NAV2: variants seen among roughly 807,000 people sequenced by gnomAD.
NAV2 encodes helicase, APC down-regulated 1.
Under a neutral mutation model 223.2 loss-of-function variants are expected in NAV2, and 54 were observed. That is an observed-to-expected ratio of 0.24 (90% CI 0.19 to 0.30). NAV2 has a LOEUF of 0.30. NAV2 is among the 10% of genes least tolerant of loss of function. NAV2 has a pLI of 1.00. For synonymous variants in NAV2, 1,279 were observed against 1,239.3 expected, an observed-to-expected ratio of 1.03 and a Z score of -0.67; for missense variants, 2,806 against 3,147.5, an observed-to-expected ratio of 0.89 and a Z score of 2.60.
At chr11:20,062,162 G>A (rs191015763) in intron 19 of NAV2, 145 bp from the exon 20 acceptor site, 201 of 529,888 alleles carry the variant, frequency 3.8e-4, no homozygotes, top group Non-Finnish European at 5.3e-4. Flanking sequence ...CTGACCTATC[G>A]CCAAACCAGG....
upstream of NAV2, chr11:19,712,406 G>C (rs1438421564): frequency 4.6e-5 from 7 of 152,258 alleles, no homozygotes; most frequent in Admixed American, 4.6e-4. Flanking sequence ...TCTTAAAGCG[G>C]GAGACGAGCT....
At chr11:19,928,476 C>G in intron 6 of NAV2, among the ~76,000 whole-genome samples, 1 of 152,084 alleles carries the variant, frequency 6.6e-6, no homozygotes, top group East Asian at 1.9e-4. Context: ...CCTTAGGTTC[C>G]TTTGCTTTAA....
intron 1 of NAV2, among the ~76,000 whole-genome samples, chr11:19,660,171 G>A (rs1375513250): frequency 6.6e-6 from 1 of 152,170 alleles, no homozygotes; most frequent in Non-Finnish European, 1.5e-5. Flanking sequence ...CACAGGTTCA[G>A]TGCTGCAGAA....
intron 1 of NAV2, among the ~76,000 whole-genome samples, chr11:19,513,001 G>A (rs556400153): frequency 3.3e-5 from 5 of 152,280 alleles, no homozygotes; most frequent in East Asian, 1.9e-4. Context: ...AGGACGATAC[G>A]TAACTCTACC....
chr11:20,082,713 C>T lies in NAV2; in HGVS notation c.5326-294C>T, dbSNP rs73429384. Reference sequence around the variant, plus strand: ...GCATCCTGCTTTGTTGCTGTGTAACCTCATCTTCCCAACATCCATCTGCTG... The same window carrying T: ...GCATCCTGCTTTGTTGCTGTGTAACTTCATCTTCCCAACATCCATCTGCTG... On this transcript the variant is annotated intron_variant, in intron 25 of 37. Transcript: ENST00000349880. 12,956 of 1,111,990 alleles carry T rather than the reference C, an allele frequency of 0.012. 816 individuals are homozygous for T. In the African/African-American group the frequency reaches 0.16, roughly 13 times the overall value. 68.9% of individuals were successfully genotyped at this position (1,111,990 alleles called of 1,614,324 possible).
At chr11:19,856,880 A>G (rs1219035462) in intron 3 of NAV2, among the ~76,000 whole-genome samples, 1 of 152,230 alleles carries the variant, frequency 6.6e-6, no homozygotes. Context: ...ACATTTAAGT[A>G]CACACTATCG....
intron 1 of NAV2, among the ~76,000 whole-genome samples, chr11:19,353,966 T>G (rs2133725661): frequency 6.6e-6 from 1 of 152,352 alleles, no homozygotes; most frequent in South Asian, 2.1e-4. Flanking sequence ...TGGGTGCCTG[T>G]CTGAGTCCTT....
intron 4 of NAV2, among the ~76,000 whole-genome samples, chr11:19,873,261 C>G (rs1400295006): frequency 1.3e-5 from 2 of 152,068 alleles, no homozygotes; most frequent in African/African-American, 2.4e-5. Context: ...GTTAATAAGA[C>G]AGAGCTGTGT....
At chr11:19,984,033 T>C (rs1008187677) in intron 10 of NAV2, 92 bp from the exon 11 acceptor site, 57 of 1,552,752 alleles carry the variant, frequency 3.7e-5, no homozygotes, top group Non-Finnish European at 4.8e-5. Context: ...CTTAGAGCAC[T>C]TGGCGGCTGT....
At chr11:20,032,437 G>A (rs1409050422) in intron 11 of NAV2, among the ~76,000 whole-genome samples, 1 of 152,172 alleles carries the variant, frequency 6.6e-6, no homozygotes, top group African/African-American at 2.4e-5. Flanking sequence ...GGGAAGAAAG[G>A]TTACAATTTC....
intron 29 of NAV2, 80 bp downstream of exon 29, chr11:20,093,279 C>G: frequency 2.2e-6 from 2 of 920,410 alleles, no homozygotes; most frequent in Non-Finnish European, 3.6e-6. Flanking sequence ...ATTGTAAAAC[C>G]TCTATCACCT....
At chr11:20,023,182 T>C (rs1447555960) in intron 11 of NAV2, 15 of 1,515,034 alleles carry the variant, frequency 9.9e-6, no homozygotes, top group Admixed American at 3.9e-5. Flanking sequence ...GTGTGGTGCA[T>C]GTACTGCCTT....
chr11:19,500,050 A>G (rs999021569), intron 1 of NAV2, among the ~76,000 whole-genome samples: 1 of 152,070 alleles, frequency 6.6e-6, no homozygotes, highest in Non-Finnish European at 1.5e-5. Context: ...CCCTTTTGCC[A>G]CATCACTTTG....
chr11:19,645,573 C>G (rs899474243), intron 1 of NAV2, among the ~76,000 whole-genome samples: 8 of 152,066 alleles, frequency 5.3e-5, no homozygotes, highest in African/African-American at 1.9e-4. Context: ...CATCCCTAGT[C>G]TGGCAACTAA....
intron 11 of NAV2, among the ~76,000 whole-genome samples, chr11:20,003,978 G>A (rs1023217640): frequency 6.6e-6 from 1 of 152,186 alleles, no homozygotes; most frequent in African/African-American, 2.4e-5. Flanking sequence ...AGGCTCATGT[G>A]AGTTCAGGAA....
At chr11:19,581,887 G>A (rs10741781) in intron 1 of NAV2, among the ~76,000 whole-genome samples, 1 of 151,980 alleles carries the variant, frequency 6.6e-6, no homozygotes, top group Non-Finnish European at 1.5e-5. Context: ...CCCAGTAATG[G>A]GATGGCTGGG....
chr11:19,850,936 C>T (rs931502646), intron 3 of NAV2, among the ~76,000 whole-genome samples: 1 of 152,220 alleles, frequency 6.6e-6, no homozygotes, highest in Non-Finnish European at 1.5e-5. Context: ...TTAATGTGCT[C>T]TGCCAGGGGC....
intron 1 of NAV2, among the ~76,000 whole-genome samples, chr11:19,770,077 C>A (rs566819315): frequency 3.3e-4 from 50 of 152,098 alleles, no homozygotes; most frequent in Admixed American, 2.4e-3. Flanking sequence ...CAGACAAATG[C>A]AACCCAGTGA....
intron 20 of NAV2, among the ~76,000 whole-genome samples, chr11:20,067,045 G>A (rs532433374): frequency 3.5e-4 from 54 of 152,160 alleles, no homozygotes; most frequent in Non-Finnish European, 7.5e-4. Context: ...TATAGTTTCT[G>A]GCTAGCAGGT....
Sources: allele counts gnomAD v4.1 joint callset (sites outside exome capture counted in the v4.1 genomes callset), GRCh38; gene constraint gnomAD v4.1.1; transcripts MANE v1.5; gene names NCBI Gene and HGNC (gene_info 2026-07-23, HGNC 2026-07-21).